Variants in NBAS observed in about 807,000 individuals in gnomAD.
The protein encoded by NBAS is NBAS subunit of NRZ tethering complex, also known as NAG/BC035112 fusion.
Under a neutral mutation model 302.5 loss-of-function variants are expected in NBAS, and 219 were observed. The ratio of observed to expected loss-of-function variants is 0.72; its 90% CI spans 0.65 to 0.81. The LOEUF (loss-of-function observed/expected upper bound fraction) is 0.81. Ranked by LOEUF, NBAS falls within the 30% of genes least tolerant of loss-of-function variation. The pLI, the probability that NBAS is intolerant of heterozygous loss-of-function variation, is 0.00. For missense variants in NBAS, 2,932 were observed against 2,841.6 expected, an observed-to-expected ratio of 1.03 and a Z score of -0.72; for synonymous variants, 1,118 against 1,021.6, an observed-to-expected ratio of 1.09 and a Z score of -1.80.
intron 49 of NBAS, among the ~76,000 whole-genome samples, chr2:15,189,449 C>T (rs1665240537): frequency 6.6e-6 from 1 of 152,076 alleles, no homozygotes; most frequent in Non-Finnish European, 1.5e-5. Context: ...CCTGTGGGGG[C>T]AGTATGTCAG....
chr2:15,560,884 C>A (rs1022265007), intron 1 of NBAS, among the ~76,000 whole-genome samples: 2 of 152,092 alleles, frequency 1.3e-5, no homozygotes, highest in African/African-American at 4.8e-5. Flanking sequence ...ACTAACAATC[C>A]CCTCTCCTCC....
the NBAS span, among the ~76,000 whole-genome samples, chr2:14,836,987 G>A: frequency 6.6e-6 from 1 of 151,486 alleles, no homozygotes; most frequent in African/African-American, 2.4e-5. Flanking sequence ...AAAAATAAAT[G>A]CCTTTTATTC....
chr2:15,543,688 T>C (rs182339895), intron 6 of NBAS, among the ~76,000 whole-genome samples: 65 of 152,270 alleles, frequency 4.3e-4, no homozygotes, highest in African/African-American at 1.5e-3. Context: ...CTCGTGAGAC[T>C]TATTCACTAT....
intron 23 of NBAS, among the ~76,000 whole-genome samples, chr2:15,420,335 C>T (rs1372396187): frequency 6.6e-6 from 1 of 152,166 alleles, no homozygotes; most frequent in African/African-American, 2.4e-5. Flanking sequence ...CTGAGGTGGG[C>T]TGTCAGCCTT....
the NBAS span, among the ~76,000 whole-genome samples, chr2:15,053,033 T>C: frequency 6.6e-6 from 1 of 152,176 alleles, no homozygotes; most frequent in Non-Finnish European, 1.5e-5. Flanking sequence ...AGGATGATGG[T>C]GCATATAAAA....
intron 25 of NBAS, among the ~76,000 whole-genome samples, chr2:15,408,898 G>A (rs1429315540): frequency 3.9e-5 from 6 of 152,178 alleles, no homozygotes; most frequent in South Asian, 2.1e-4. Context: ...GTAGCCAGGC[G>A]TGGTGGCTCA....
At chr2:15,496,359 A>G (rs141681323) in intron 11 of NBAS, among the ~76,000 whole-genome samples, 10 of 152,228 alleles carry the variant, frequency 6.6e-5, no homozygotes, top group African/African-American at 2.4e-4. Flanking sequence ...TAAGGGATGC[A>G]GGGTTTTTTT....
intron 44 of NBAS, among the ~76,000 whole-genome samples, chr2:15,245,863 G>T (rs1383808181): frequency 6.6e-6 from 1 of 152,172 alleles, no homozygotes. Context: ...GGTTTGTTTG[G>T]TTGGTTGGCT....
At chr2:15,176,460 C>G (rs1164409773) in intron 51 of NBAS, among the ~76,000 whole-genome samples, 1 of 141,300 alleles carries the variant, frequency 7.1e-6, no homozygotes, top group Non-Finnish European at 1.5e-5. Flanking sequence ...CACATGGAGA[C>G]ACACACACAC....
chr2:15,140,936 A>T, the NBAS span, among the ~76,000 whole-genome samples: 4 of 152,236 alleles, frequency 2.6e-5, no homozygotes, highest in Non-Finnish European at 5.9e-5. Context: ...GCTTATCCCC[A>T]TTCCATGTAG....
At chr2:15,520,059 G>A (rs1419159701) in intron 9 of NBAS, among the ~76,000 whole-genome samples, 2 of 152,080 alleles carry the variant, frequency 1.3e-5, no homozygotes, top group African/African-American at 4.8e-5. Context: ...AAAACTGAGT[G>A]GTACTCGGCT....
chr2:15,306,176 G>A (rs562095420), intron 40 of NBAS, among the ~76,000 whole-genome samples: 5 of 152,176 alleles, frequency 3.3e-5, no homozygotes, highest in South Asian at 4.2e-4. Flanking sequence ...ACATATTAAT[G>A]CATGTTTCTT....
At chr2:14,780,832 G>A in the NBAS span, among the ~76,000 whole-genome samples, 1 of 152,114 alleles carries the variant, frequency 6.6e-6, no homozygotes, top group Non-Finnish European at 1.5e-5. Flanking sequence ...AATAGACTTG[G>A]AGCTTCTTAA....
chr2:15,313,943 G>T (rs2148177642), intron 38 of NBAS, among the ~76,000 whole-genome samples: 1 of 152,264 alleles, frequency 6.6e-6, no homozygotes, highest in South Asian at 2.1e-4. Context: ...GTCACCTGGT[G>T]AACTCCAGTG....
At chr2:15,473,563 C>T (rs910594733) in intron 15 of NBAS, among the ~76,000 whole-genome samples, 1 of 152,160 alleles carries the variant, frequency 6.6e-6, no homozygotes, top group Non-Finnish European at 1.5e-5. Flanking sequence ...ATAAAAGGTG[C>T]AAAGCTCTCG....
At chr2:15,263,873 C>A (rs904015091) in intron 44 of NBAS, among the ~76,000 whole-genome samples, 3 of 152,176 alleles carry the variant, frequency 2.0e-5, no homozygotes, top group Non-Finnish European at 4.4e-5. Flanking sequence ...CGACATCCTG[C>A]GATAGCTGCA....
the NBAS span, among the ~76,000 whole-genome samples, chr2:15,044,437 A>G: frequency 6.6e-6 from 1 of 152,284 alleles, no homozygotes; most frequent in Non-Finnish European, 1.5e-5. Context: ...AAACCTATTA[A>G]TGAGGTTTTT....
Position 15,403,813 on chromosome 2 carries a change from T to C in NBAS, c.2938-1512A>G, listed in dbSNP as rs1042185554. Reference sequence around the variant, plus strand: ...CTGACAGTAATAAAAATAAGTACTGTTGAAAATTAATAAAAACAGCTACCT... The same window carrying C: ...CTGACAGTAATAAAAATAAGTACTGCTGAAAATTAATAAAAACAGCTACCT... On this transcript the variant is annotated intron_variant, in intron 25 of 51. Transcript: ENST00000281513. Among the ~76,000 whole-genome samples, 5 of 151,940 alleles carry C rather than the reference T, an allele frequency of 3.3e-5. No individual in the cohort carries two copies. The East Asian group carries it at 9.7e-4, about 29-fold the overall frequency.
At chr2:15,159,970 T>G in the NBAS span, among the ~76,000 whole-genome samples, 1 of 152,176 alleles carries the variant, frequency 6.6e-6, no homozygotes, top group African/African-American at 2.4e-5. Flanking sequence ...GTAAGATGCA[T>G]TTCAAAAATC....
Sources: gnomAD v4.1 joint callset for allele counts (sites outside exome capture counted in the v4.1 genomes callset) on GRCh38, gnomAD v4.1.1 for gene constraint, MANE v1.5 for transcripts, NCBI Gene and HGNC (gene_info 2026-07-23, HGNC 2026-07-21) for gene names.